INSRR: variants seen among roughly 807,000 people sequenced by gnomAD.
INSRR encodes insulin receptor related receptor.
A neutral mutation model predicts 130.0 loss-of-function variants in INSRR; 114 were observed. The ratio of observed to expected loss-of-function variants is 0.88; its 90% CI spans 0.75 to 1.02. The LOEUF is 1.02. Among genes scored for constraint, INSRR ranks in the 50% least tolerant of loss-of-function variants. The pLI is 0.00. For missense variants in INSRR, 1,657 were observed against 1,735.2 expected (o/e 0.95, Z 0.80); for synonymous variants, 674 against 705.2 (o/e 0.96, Z 0.70).
In INSRR at chr1:156,846,137, A is replaced by G; in HGVS notation, c.1811-18T>C. ...CGTGGGAGCTAGGAGTGCGAGAAGG[A>G]TGCAACTCAGGGGTGTGGGTCTTCC... On this transcript the variant is annotated intron_variant, in intron 8 of 21. Transcript: ENST00000368195. The G allele has an allele frequency of 6.4e-7, 1 of 1,569,534 alleles. No homozygotes were observed.
At chr1:156,852,906 C>T (rs189306034) in intron 2 of INSRR, among the ~76,000 whole-genome samples, 2 of 152,294 alleles carry the variant, frequency 1.3e-5, no homozygotes, top group East Asian at 1.9e-4. Flanking sequence ...GCCCGCCCTG[C>T]TGCTGAGGCG....
chr1:156,854,055 C>T lies in INSRR; in HGVS notation c.334G>A (p.Gly112Ser). The change falls in exon 2 of 22, where the codon GGC (glycine) becomes AGC (serine). Residue 112 changes from glycine (G) to serine (S), a missense_variant. Gly to Ser is a moderately conservative substitution (Grantham distance 56). Transcript: ENST00000368195. The surrounding 1 kb of genome is among the most constrained non-coding windows in gnomAD (Gnocchi z 4.2). ...AVIRGTRLFL[G>S]YALVIFEMPH... ...ATCTCAAAGATGACCAGTGCATAGC[C>T]CAGGAAGAGGCGCGTCCCGCGGATG... 6.2e-7 allele frequency: 1 copy of T among 1,614,122 alleles called. No individual in the cohort carries two copies. Among genetic ancestry groups the T allele is most frequent in the Non-Finnish European group, 8.5e-7 (1 of 1,180,054 alleles).
chr1:156,851,671 G>A lies in INSRR; in HGVS notation c.1059C>T (p.Ser353=). 6.2e-7 allele frequency: 1 copy of A among 1,614,194 alleles called. No individual in the cohort carries two copies. The highest frequency in any genetic ancestry group is 8.5e-7 in the Non-Finnish European group (1 of 1,180,018). Residue 353 remains serine, a synonymous_variant, in exon 4 of 22, where the codon AGC becomes AGT. Transcript: ENST00000368195. ...DLVGCTHVEG[S]LILNLRQGYN... ...AGCCCTGGCGAAGGTTGAGGATGAGGCTTCCCTCCACATGCGTGCAGCCCA... is the reference window on the plus strand; with the variant it reads ...AGCCCTGGCGAAGGTTGAGGATGAGACTTCCCTCCACATGCGTGCAGCCCA...
rs141174426 is a variant in INSRR, at chr1:156,844,139, G to T, written c.2843+36C>A. 3.5e-4 allele frequency: 528 copies of T among 1,489,000 alleles called. 4 individuals carry two copies. The East Asian group carries it at 0.011, about 30-fold the overall frequency. 92.2% of individuals were successfully genotyped at this position (1,489,000 alleles called of 1,614,324 possible). On this transcript the variant is annotated intron_variant, in intron 15 of 21. Coordinates refer to ENST00000368195, the MANE Select transcript of INSRR (RefSeq NM_014215.3). ...AGACTTTATGATGAGGGCTCAGGGA[G>T]AAAAGGGGGTGGGGACCGGTGGGAC... is the stretch of plus-strand genomic sequence containing the variant.
Position 156,853,942 on chromosome 1 carries a change from G to A in INSRR, c.447C>T (p.His149=). 2 of 1,613,844 alleles carry A rather than the reference G, an allele frequency of 1.2e-6. No homozygotes were observed. The highest frequency in any genetic ancestry group is 1.3e-5 in the African/African-American group (1 of 75,066). Residue 149 remains histidine, a synonymous_variant, in exon 2 of 22, where the codon CAC becomes CAT. Coordinates refer to ENST00000368195, the MANE Select transcript of INSRR (RefSeq NM_014215.3). ...VRVEKNQELC[H]LSTIDWGLLQ... is the part of the protein sequence containing the mutation. ...GCAGTCCCCAGTCAATGGTGGAGAG[G>A]TGGCAGAGCTCCTGGTTCTTCTCCA...
At chr1:156,850,733 T>C (rs1655178159) in intron 5 of INSRR, among the ~76,000 whole-genome samples, 1 of 151,492 alleles carries the variant, frequency 6.6e-6, no homozygotes, top group Non-Finnish European at 1.5e-5. Context: ...TTTTTTGTAT[T>C]TTTAGTAAAG....
At chr1:156,852,941 C>A (rs2102868589) in intron 2 of INSRR, among the ~76,000 whole-genome samples, 1 of 152,218 alleles carries the variant, frequency 6.6e-6, no homozygotes, top group Middle Eastern at 3.4e-3. Context: ...AGCTGACCTC[C>A]AGGAGCTGAG....
At position 156,845,201 on chromosome 1, in the gene INSRR, CG is replaced by C; in HGVS notation, c.2311del (p.Arg771GlufsTer4). ...GTGGCGCAGGCCGCTCAGCACCGCT[CG>C]CTCACGGGGCACCTTGTCCTCCTGG... Reference protein sequence around the residue: ...EIQEDKVPRERAVLSGLRHFT... With the variant: ...EIQEDKVPREXAVLSGLRHFT... On this transcript the variant is annotated frameshift_variant, in exon 12 of 22. Coordinates refer to ENST00000368195, the MANE Select transcript of INSRR (RefSeq NM_014215.3). LOFTEE classifies it high-confidence loss of function. The C allele has an allele frequency of 6.2e-7, 1 of 1,609,418 alleles. No homozygotes were observed. The highest frequency in any genetic ancestry group is 8.5e-7 in the Non-Finnish European group (1 of 1,178,216).
chr1:156,846,046 C>T lies in INSRR; in HGVS notation c.1884G>A (p.Pro628=). ...SSHLLVRWKP[P]TQRNGNLTYY... is the part of the protein sequence containing the mutation. ...AGGTGAGGTTCCCATTGCGCTGGGT[C>T]GGTGGCTTCCAGCGCACCAGGAGGT... The change falls in exon 9 of 22, where the codon CCG becomes CCA. Residue 628 remains proline, a synonymous_variant. Transcript: ENST00000368195. The T allele has an allele frequency of 6.2e-7, 1 of 1,613,200 alleles. No homozygotes were observed. The highest frequency in any genetic ancestry group is 8.5e-7 in the Non-Finnish European group (1 of 1,179,650).
In INSRR at chr1:156,845,952, C is replaced by A. The variant is rs774581385; in HGVS notation, c.1978G>T (p.Gly660Cys). Residue 660 changes from glycine to cysteine, a missense_variant and splice_region_variant, in exon 9 of 22, where the codon GGC becomes TGC. Gly to Cys is a radical substitution (Grantham distance 159). Transcript: ENST00000368195. Reference sequence around the variant, plus strand: ...CGGCCTGCGCGTCGTCCCTGCGCACCGCGGTGGCAGTAGTCATTGAGGTAG... The same window carrying A: ...CGGCCTGCGCGTCGTCCCTGCGCACAGCGGTGGCAGTAGTCATTGAGGTAG... The part of the protein sequence containing the change: ...DLYLNDYCHR[G>C]LRLPTSNNDP... The A allele has an allele frequency of 6.2e-7, 1 of 1,611,536 alleles. No homozygotes were observed. The highest frequency in any genetic ancestry group is 8.5e-7 in the Non-Finnish European group (1 of 1,178,868).
chr1:156,842,372 C>G lies in INSRR; in HGVS notation c.3237+26G>C, dbSNP rs1054768557. On this transcript the variant is annotated intron_variant, in intron 18 of 21. Transcript: ENST00000368195. Reference sequence around the variant, plus strand: ...CACACTGTGCCCAACCCTTCTTTCACTCCCCAGGGTCTTCCTGGTCCCTAC... The same window carrying G: ...CACACTGTGCCCAACCCTTCTTTCAGTCCCCAGGGTCTTCCTGGTCCCTAC... 3.7e-6 allele frequency: 6 copies of G among 1,612,984 alleles called. No homozygotes were observed. In the African/African-American group the frequency reaches 6.7e-5, roughly 18 times the overall value.
In INSRR at chr1:156,846,643, T is replaced by C. The variant is rs750259939; in HGVS notation, c.1686A>G (p.Leu562=). 1.7e-5 allele frequency: 27 copies of C among 1,613,594 alleles called. No individual in the cohort carries two copies. Among genetic ancestry groups the C allele is most frequent in the Non-Finnish European group, 2.3e-5 (27 of 1,179,874 alleles). ...ACTGTGTCCAAGGCTTGAGGGAGGC[T>C]AGGGTCACCCCTGGCTCCTGGGTGC... is the stretch of plus-strand genomic sequence containing the variant. ...LSRTQEPGVT[L]ASLKPWTQYA... is the part of the protein sequence containing the mutation. The change falls in exon 8 of 22, where the codon CTA becomes CTG. Residue 562 remains leucine, a synonymous_variant. Coordinates refer to ENST00000368195, the MANE Select transcript of INSRR (RefSeq NM_014215.3).
At chr1:156,855,918 C>A (rs960827016) in intron 1 of INSRR, among the ~76,000 whole-genome samples, 1 of 149,374 alleles carries the variant, frequency 6.7e-6, no homozygotes, top group Non-Finnish European at 1.5e-5. Context: ...GACTAATGTG[C>A]GTGTGTGTGT....
At chr1:156,842,963 C>T (rs751652488) in intron 17 of INSRR, 41 bp downstream of exon 17, 21 of 1,480,700 alleles carry the variant, frequency 1.4e-5, no homozygotes, top group Non-Finnish European at 1.9e-5. Flanking sequence ...ATGACCTTTA[C>T]ACTAATTATG....
At chr1:156,841,264 G>A in intron 21 of INSRR, 130 bp downstream of exon 21, 1 of 1,030,274 alleles carries the variant, frequency 9.7e-7, no homozygotes, top group East Asian at 2.4e-5. Flanking sequence ...TTGGGATAGG[G>A]GGGTGGCGCT....
chr1:156,847,396 C>T (rs903424570), intron 7 of INSRR, among the ~76,000 whole-genome samples: 1 of 152,222 alleles, frequency 6.6e-6, no homozygotes, highest in African/African-American at 2.4e-5. Flanking sequence ...GGAAGCATCA[C>T]TGGCTTTAGG....
In INSRR at chr1:156,852,037, T is replaced by C. The variant is rs1655233510; in HGVS notation, c.792A>G (p.Pro264=). The change falls in exon 3 of 22, where the codon CCA becomes CCG. Residue 264 remains proline, a synonymous_variant. Transcript: ENST00000368195. ...FQGACLWACP[P]GTYQYESWRC... ...GCCAGGACTCATACTGGTAGGTGCC[T>C]GGCGGGCAGGCCCACAGGCAGGCAC... 1 of 1,613,358 alleles carries C rather than the reference T, an allele frequency of 6.2e-7. No homozygotes were observed. Among genetic ancestry groups the C allele is most frequent in the Admixed American group, 1.7e-5 (1 of 59,990 alleles).
chr1:156,846,443 T>C, intron 8 of INSRR, 76 bp downstream of exon 8: 1 of 1,229,416 alleles, frequency 8.1e-7, no homozygotes, highest in Non-Finnish European at 1.2e-6. Flanking sequence ...CCGGCTTCTC[T>C]ATTTCTGGTG....
rs1655080266 is a variant in INSRR at position 156,848,290 on chromosome 1, T to C, written c.1571+631A>G. Among the ~76,000 whole-genome samples, 2 of 152,206 alleles carry C rather than the reference T, an allele frequency of 1.3e-5. 1 individual carries two copies. Among genetic ancestry groups the C allele is most frequent in the Admixed American group, 1.3e-4 (2 of 15,284 alleles). Reference sequence around the variant, plus strand: ...GCTTCTAAGCCAGGTGGCCTCCATCTTCTATAATATCTACCAGAGAGAGAG... The same window carrying C: ...GCTTCTAAGCCAGGTGGCCTCCATCCTCTATAATATCTACCAGAGAGAGAG... On this transcript the variant is annotated intron_variant, in intron 7 of 21. Coordinates refer to ENST00000368195, the MANE Select transcript of INSRR (RefSeq NM_014215.3).
Sources: allele counts gnomAD v4.1 joint callset (sites outside exome capture counted in the v4.1 genomes callset), GRCh38; gene constraint gnomAD v4.1.1; non-coding constraint Gnocchi (gnomAD v3.1); transcripts MANE v1.5; gene names NCBI Gene and HGNC (gene_info 2026-07-23, HGNC 2026-07-21).